Variants in TCF4 observed in about 807,000 individuals in gnomAD.
The protein encoded by TCF4 is transcription factor 4.
A neutral mutation model predicts 82.1 loss-of-function variants in TCF4; 3 were observed. The observed-to-expected ratio is 0.04, with a 90% CI of 0.02 to 0.09. The LOEUF is 0.09. TCF4 is among the 10% of genes least tolerant of loss of function. The pLI, the probability that TCF4 is intolerant of heterozygous loss-of-function variation, is 1.00. For missense variants in TCF4, 518 were observed against 852.7 expected (o/e 0.61, Z 4.89); for synonymous variants, 276 against 309.6 (o/e 0.89, Z 1.14).
At chr18:55,383,549 C>T (rs536154771) in intron 6 of TCF4, among the ~76,000 whole-genome samples, 1 of 152,286 alleles carries the variant, frequency 6.6e-6, no homozygotes, top group African/African-American at 2.4e-5. Context: ...CATTTGAAGA[C>T]ACTACGACAA....
intron 3 of TCF4, among the ~76,000 whole-genome samples, chr18:55,545,907 C>A (rs1359145498): frequency 6.6e-6 from 1 of 152,214 alleles, no homozygotes; most frequent in Admixed American, 6.5e-5. Flanking sequence ...TAATTTCACT[C>A]ATAGGTTCTG....
chr18:55,322,236 TC>T, intron 8 of TCF4: 1 of 1,057,982 alleles, frequency 9.5e-7, no homozygotes, highest in East Asian at 5.1e-5. Context: ...GTTAATTGAC[TC>T]CCCCTCTCTC....
At chr18:55,483,926 G>A (rs1051864819) in intron 3 of TCF4, among the ~76,000 whole-genome samples, 3 of 152,168 alleles carry the variant, frequency 2.0e-5, no homozygotes, top group African/African-American at 4.8e-5. Context: ...ATATCCTAGA[G>A]CAGTTTACTG....
At chr18:55,374,430 T>C (rs2090192848) in intron 6 of TCF4, among the ~76,000 whole-genome samples, 1 of 151,456 alleles carries the variant, frequency 6.6e-6, no homozygotes, top group Non-Finnish European at 1.5e-5. Flanking sequence ...ATCAACATAA[T>C]TACAAAATAT....
intron 3 of TCF4, among the ~76,000 whole-genome samples, chr18:55,562,550 GC>G (rs1014525173): frequency 1.3e-5 from 2 of 152,156 alleles, no homozygotes; most frequent in Admixed American, 6.5e-5. Context: ...CAACTGGGCA[GC>G]CCCCTCTCTA....
Position 55,633,491 on chromosome 18 carries a change from A to G in TCF4, c.196-2103T>C, listed in dbSNP as rs1444791509. Reference sequence around the variant, plus strand: ...ACCTCTGCCATGTCCTATTTGTTGCAAGCAAGTCACGAATTCCAGCCTATA... The same window carrying G: ...ACCTCTGCCATGTCCTATTTGTTGCGAGCAAGTCACGAATTCCAGCCTATA... On this transcript the variant is annotated intron_variant, in intron 1 of 20. Coordinates refer to the TCF4 transcript ENST00000398339. The surrounding 1 kb of genome is among the most constrained non-coding windows in gnomAD (Gnocchi z 4.0). Among the ~76,000 whole-genome samples the G allele has an allele frequency of 6.6e-6, 1 of 152,176 alleles. No individual in the cohort carries two copies. The highest frequency in any genetic ancestry group is 1.5e-5 in the Non-Finnish European group (1 of 68,026).
intron 6 of TCF4, among the ~76,000 whole-genome samples, chr18:55,356,747 T>C (rs11876521): frequency 0.011 from 1,621 of 152,270 alleles, 33 homozygotes; most frequent in African/African-American, 0.037. Context: ...GTTATACTTA[T>C]CAAGCGTTGT....
At chr18:55,256,406 T>G (rs1007818310) in intron 14 of TCF4, among the ~76,000 whole-genome samples, 1 of 152,176 alleles carries the variant, frequency 6.6e-6, no homozygotes, top group African/African-American at 2.4e-5. Flanking sequence ...AGTGCATATA[T>G]GTTTCACTGT....
In TCF4 at chr18:55,472,798, A is replaced by C. The variant is rs542423849; in HGVS notation, c.146-8661T>G. On this transcript the variant is annotated intron_variant, in intron 3 of 19. Coordinates refer to ENST00000354452, the MANE Select transcript of TCF4 (RefSeq NM_001083962.2). ...ACATTACACAGATAAGTTTCAAAGT[A>C]CTTAAATAAATGTGAAAATATTGCA... is the stretch of plus-strand genomic sequence containing the variant. Among the ~76,000 whole-genome samples the C allele has an allele frequency of 1.1e-3, 174 of 152,304 alleles. 1 individual carries two copies. Among genetic ancestry groups the C allele is most frequent in the Non-Finnish European group, 1.8e-3 (120 of 67,994 alleles).
chr18:55,365,191 A>ATG lies in TCF4; in HGVS notation c.370-14190_370-14189dup, dbSNP rs1220531145. 7.5e-3 allele frequency among the ~76,000 whole-genome samples: 734 copies of ATG among 97,742 alleles called. 12 individuals carry two copies. The highest frequency in any genetic ancestry group is 0.01 in the South Asian group (32 of 3,106). 64.1% of individuals were successfully genotyped at this position (97,742 alleles called of 152,430 possible). ...TATATATATATATATATATATATAT[A>ATG]TGTGTGTGTGTGTGTGTGTATATAT... On this transcript the variant is annotated intron_variant, in intron 6 of 19. Coordinates refer to ENST00000354452, the MANE Select transcript of TCF4 (RefSeq NM_001083962.2).
At chr18:55,472,350 C>G (rs1391688187) in intron 3 of TCF4, among the ~76,000 whole-genome samples, 1 of 152,102 alleles carries the variant, frequency 6.6e-6, no homozygotes, top group East Asian at 1.9e-4. Context: ...TACATTGAAG[C>G]CTTTATATTA....
chr18:55,617,242 T>C (rs1350916011), intron 2 of TCF4, among the ~76,000 whole-genome samples: 1 of 152,142 alleles, frequency 6.6e-6, no homozygotes. Flanking sequence ...TAAAGATCAG[T>C]TGACTGTATA....
chr18:55,610,454 T>G (rs748590292), intron 2 of TCF4, among the ~76,000 whole-genome samples: 10 of 152,286 alleles, frequency 6.6e-5, no homozygotes, highest in Non-Finnish European at 1.3e-4. Flanking sequence ...CTGCACTCAG[T>G]TTGGAGTAGA....
At chr18:55,437,931 C>G (rs1047867313) in intron 5 of TCF4, among the ~76,000 whole-genome samples, 2 of 152,060 alleles carry the variant, frequency 1.3e-5, no homozygotes, top group Non-Finnish European at 2.9e-5. Context: ...CCAGGCACAG[C>G]GGCTCACGCC....
intron 5 of TCF4, among the ~76,000 whole-genome samples, chr18:55,410,785 T>C (rs1442931497): frequency 6.6e-6 from 1 of 152,096 alleles, no homozygotes; most frequent in East Asian, 1.9e-4. Context: ...TAATTTAAAC[T>C]CAATTCATAA....
intron 8 of TCF4, among the ~76,000 whole-genome samples, chr18:55,317,163 T>A (rs2074354101): frequency 6.6e-6 from 1 of 152,018 alleles, no homozygotes; most frequent in Admixed American, 6.6e-5. Flanking sequence ...TTCATTGTTA[T>A]TTTTAAATGG....
At chr18:55,387,010 GA>G (rs1463117839) in intron 6 of TCF4, among the ~76,000 whole-genome samples, 6 of 152,242 alleles carry the variant, frequency 3.9e-5, no homozygotes, top group Non-Finnish European at 8.8e-5. Context: ...AAAAGAGGGA[GA>G]GAATCATTTC....
intron 6 of TCF4, among the ~76,000 whole-genome samples, chr18:55,352,700 T>C (rs1450178134): frequency 1.3e-5 from 2 of 152,118 alleles, no homozygotes; most frequent in East Asian, 3.8e-4. Context: ...AACTAAAACA[T>C]AAGGCTTATT....
chr18:55,518,217 T>C (rs2096901204), intron 3 of TCF4, among the ~76,000 whole-genome samples: 1 of 152,174 alleles, frequency 6.6e-6, no homozygotes, highest in African/African-American at 2.4e-5. Context: ...GATGATTTGC[T>C]GTCTGTTATA....
Sources: allele counts gnomAD v4.1 joint callset (sites outside exome capture counted in the v4.1 genomes callset), GRCh38; gene constraint gnomAD v4.1.1; non-coding constraint Gnocchi (gnomAD v3.1); transcripts MANE v1.5; gene names NCBI Gene and HGNC (gene_info 2026-07-23, HGNC 2026-07-21).